The following SORCS3 variants were observed in gnomAD, a reference collection of about 807,000 sequenced individuals.
SORCS3 encodes the protein sortilin related VPS10 domain containing receptor 3, also known as VPS10 domain-containing receptor SorCS3.
A neutral mutation model predicts 146.3 loss-of-function variants in SORCS3; 57 were observed. That is an observed-to-expected ratio of 0.39 (90% CI 0.31 to 0.49). SORCS3 has a LOEUF of 0.49. Ranked by LOEUF, SORCS3 falls within the 20% of genes least tolerant of loss-of-function variation. SORCS3 has a pLI of 0.92. For missense variants in SORCS3, 1,341 were observed against 1,575.5 expected, an observed-to-expected ratio of 0.85 and a Z score of 2.52; for synonymous variants, 653 against 618.5, an observed-to-expected ratio of 1.06 and a Z score of -0.83.
At chr10:105,007,446 A>G (rs946121490) in intron 4 of SORCS3, among the ~76,000 whole-genome samples, 6 of 152,304 alleles carry the variant, frequency 3.9e-5, no homozygotes, top group African/African-American at 1.2e-4. Flanking sequence ...TACCATTGTT[A>G]TACCCATCAC....
chr10:104,718,956 A>C (rs915882241), intron 1 of SORCS3, among the ~76,000 whole-genome samples: 1 of 152,242 alleles, frequency 6.6e-6, no homozygotes, highest in East Asian at 1.9e-4. Flanking sequence ...CATGTGCCAC[A>C]TCTGCAATGT....
chr10:105,207,305 T>A (rs1320834530), intron 16 of SORCS3, among the ~76,000 whole-genome samples: 2 of 91,416 alleles, frequency 2.2e-5, no homozygotes, highest in East Asian at 2.9e-4. Context: ...TATTATTATT[T>A]CTAAACTGTC....
At chr10:105,159,804 A>C (rs1222136925) in intron 11 of SORCS3, among the ~76,000 whole-genome samples, 1 of 152,142 alleles carries the variant, frequency 6.6e-6, no homozygotes, top group Admixed American at 6.5e-5. Context: ...CCTACTCTCT[A>C]GGCATGGCTT....
intron 5 of SORCS3, among the ~76,000 whole-genome samples, chr10:105,048,520 C>A (rs2055389725): frequency 7.8e-6 from 1 of 128,878 alleles, no homozygotes; most frequent in African/African-American, 3.0e-5. Context: ...GAACATCACA[C>A]ACTGGGGCCT....
At chr10:104,711,722 A>C (rs2133439016) in intron 1 of SORCS3, among the ~76,000 whole-genome samples, 1 of 152,292 alleles carries the variant, frequency 6.6e-6, no homozygotes, top group South Asian at 2.1e-4. Flanking sequence ...TCTGGGGATT[A>C]TGGTGGAGTT....
chr10:104,720,787 T>C lies in SORCS3; in HGVS notation c.627+78833T>C, dbSNP rs567866129. Among the ~76,000 whole-genome samples the C allele has an allele frequency of 9.2e-5, 14 of 152,350 alleles. No individual in the cohort carries two copies. In the East Asian group the frequency reaches 2.5e-3, roughly 27 times the overall value. On this transcript the variant is annotated intron_variant, in intron 1 of 26. Coordinates refer to ENST00000369701, the MANE Select transcript of SORCS3 (RefSeq NM_014978.3). The stretch of plus-strand genomic sequence containing the variant: ...CATAAATGTCTTCTTTTGAGAAGTG[T>C]CTGTTCATATCCTTTGCCCACTTGT...
At chr10:104,803,468 A>T (rs2017647286) in intron 1 of SORCS3, among the ~76,000 whole-genome samples, 1 of 152,140 alleles carries the variant, frequency 6.6e-6, no homozygotes, top group Admixed American at 6.5e-5. Context: ...TGGGATTCCA[A>T]ACCTCTCCTC....
chr10:105,240,065 G>T (rs1333912680), intron 20 of SORCS3, among the ~76,000 whole-genome samples: 1 of 152,204 alleles, frequency 6.6e-6, no homozygotes, highest in Non-Finnish European at 1.5e-5. Context: ...CTGGCTGGCA[G>T]GAGGGCACAT....
chr10:104,935,657 C>T (rs1384282265), intron 3 of SORCS3, among the ~76,000 whole-genome samples: 1 of 151,422 alleles, frequency 6.6e-6, no homozygotes, highest in Non-Finnish European at 1.5e-5. Context: ...GGCACTGATT[C>T]TGCCCGGCAG....
intron 1 of SORCS3, among the ~76,000 whole-genome samples, chr10:104,763,256 C>T (rs2017142495): frequency 6.6e-6 from 1 of 152,192 alleles, no homozygotes; most frequent in African/African-American, 2.4e-5. Context: ...CTTCTATCTT[C>T]TGAATACTTA....
intron 1 of SORCS3, among the ~76,000 whole-genome samples, chr10:104,721,389 A>G (rs1362322858): frequency 6.6e-6 from 1 of 152,162 alleles, no homozygotes; most frequent in African/African-American, 2.4e-5. Context: ...GCCTTGTAGT[A>G]TAGTTTGAAG....
At chr10:105,196,178 G>A (rs1023656362) in intron 14 of SORCS3, among the ~76,000 whole-genome samples, 5 of 152,166 alleles carry the variant, frequency 3.3e-5, no homozygotes, top group African/African-American at 4.8e-5. Context: ...TTTGAGGCTC[G>A]GAGTCAATTA....
intron 1 of SORCS3, among the ~76,000 whole-genome samples, chr10:104,783,718 C>T (rs1342443308): frequency 6.6e-6 from 1 of 152,022 alleles, no homozygotes; most frequent in African/African-American, 2.4e-5. Context: ...CAGTGCGAGA[C>T]TCCGTCTCAA....
chr10:104,748,466 A>G (rs1208401347), intron 1 of SORCS3, among the ~76,000 whole-genome samples: 1 of 152,242 alleles, frequency 6.6e-6, no homozygotes, highest in Non-Finnish European at 1.5e-5. Context: ...GAAGAAAAGA[A>G]AATTTAATGG....
intron 1 of SORCS3, among the ~76,000 whole-genome samples, chr10:104,674,466 T>C (rs1371262864): frequency 6.6e-6 from 1 of 152,254 alleles, no homozygotes; most frequent in Non-Finnish European, 1.5e-5. Flanking sequence ...CTTTGTGTTT[T>C]TAGCTGCCTT....
chr10:104,860,876 TC>T (rs2018393762), intron 2 of SORCS3, among the ~76,000 whole-genome samples: 1 of 152,162 alleles, frequency 6.6e-6, no homozygotes, highest in Non-Finnish European at 1.5e-5. Context: ...TGCAAGATAG[TC>T]CCTGAATAAG....
At chr10:104,877,450 T>G (rs766758359) in intron 2 of SORCS3, among the ~76,000 whole-genome samples, 23 of 152,286 alleles carry the variant, frequency 1.5e-4, no homozygotes, top group Non-Finnish European at 2.5e-4. Flanking sequence ...TCATGAAGAT[T>G]AAGTGCACAG....
chr10:104,681,299 G>A (rs926978971), intron 1 of SORCS3, among the ~76,000 whole-genome samples: 1 of 146,758 alleles, frequency 6.8e-6, no homozygotes, highest in Non-Finnish European at 1.5e-5. Flanking sequence ...TGGCACCCTG[G>A]AGTCCTTTCC....
intron 1 of SORCS3, among the ~76,000 whole-genome samples, chr10:104,805,707 C>T (rs1296233094): frequency 1.3e-5 from 2 of 152,068 alleles, no homozygotes; most frequent in African/African-American, 4.8e-5. Flanking sequence ...CAAGTAAAAG[C>T]CACAGCACCC....
Sources: gnomAD v4.1 joint callset for allele counts (sites outside exome capture counted in the v4.1 genomes callset) on GRCh38, gnomAD v4.1.1 for gene constraint, MANE v1.5 for transcripts, NCBI Gene and HGNC (gene_info 2026-07-23, HGNC 2026-07-21) for gene names.